ROBO2: variants seen among roughly 807,000 people sequenced by gnomAD.
ROBO2 encodes roundabout guidance receptor 2.
Under a neutral mutation model 160.8 loss-of-function variants are expected in ROBO2, and 53 were observed. The observed-to-expected ratio is 0.33, with a 90% CI of 0.26 to 0.41. The LOEUF (loss-of-function observed/expected upper bound fraction) is 0.41, where lower values mean the gene tolerates loss of function less well. Ranked by LOEUF, ROBO2 falls within the 10% of genes least tolerant of loss-of-function variation. ROBO2 has a pLI of 1.00. For synonymous variants in ROBO2, 664 were observed against 611.7 expected (o/e 1.09, Z -1.26); for missense variants, 1,577 against 1,722.4 (o/e 0.92, Z 1.49).
chr3:77,647,285 T>G (rs2095419064), exon 26 of ROBO2: 2 of 152,150 alleles, frequency 1.3e-5, no homozygotes, highest in Admixed American at 1.3e-4. Flanking sequence ...ACCCAATGTA[T>G]AGCCAAATTG....
At position 76,455,071 on chromosome 3, in the gene ROBO2, G is replaced by A. The variant is rs957287299; in HGVS notation, c.109+517469G>A. On this transcript the variant is annotated intron_variant, in intron 2 of 26. Coordinates refer to the ROBO2 transcript ENST00000487694. ...TTTCTTTACTAAATGACTTATTGCA[G>A]TGTTTAAGAAAAACATAAAGTATAC... is the stretch of plus-strand genomic sequence containing the variant. 2.6e-5 allele frequency among the ~76,000 whole-genome samples: 4 copies of A among 152,078 alleles called. No individual in the cohort carries two copies. The East Asian group carries it at 5.8e-4, about 22-fold the overall frequency.
chr3:76,891,514 C>T lies in ROBO2; in HGVS notation c.110-206500C>T, dbSNP rs140551024. 6.5e-3 allele frequency among the ~76,000 whole-genome samples: 981 copies of T among 152,082 alleles called. 10 individuals are homozygous for T. Among genetic ancestry groups the T allele is most frequent in the Non-Finnish European group, 1.0e-2 (678 of 68,014 alleles). On this transcript the variant is annotated intron_variant, in intron 2 of 26. Transcript: ENST00000487694. ...TTGAGTTGATGTGGACATTGAAATT[C>T]GAGTATAATGACAGGTGTGGTGTTG...
intron 2 of ROBO2, among the ~76,000 whole-genome samples, chr3:76,713,682 T>C (rs2093336027): frequency 6.6e-6 from 1 of 152,204 alleles, no homozygotes; most frequent in Non-Finnish European, 1.5e-5. Flanking sequence ...GAAAATTACC[T>C]CTTTGCTTTA....
intron 2 of ROBO2, among the ~76,000 whole-genome samples, chr3:77,332,617 A>G (rs541249688): frequency 1.3e-4 from 20 of 152,352 alleles, no homozygotes; most frequent in African/African-American, 4.6e-4. Flanking sequence ...ACTTGATATA[A>G]CATACATAAC....
At chr3:77,239,056 C>T (rs2088541262) in intron 2 of ROBO2, among the ~76,000 whole-genome samples, 2 of 152,200 alleles carry the variant, frequency 1.3e-5, no homozygotes. Context: ...GTCAGTCCCC[C>T]ATGTCCTTGG....
chr3:77,341,228 T>C (rs2067021325), intron 2 of ROBO2, among the ~76,000 whole-genome samples: 1 of 152,096 alleles, frequency 6.6e-6, no homozygotes, highest in Admixed American at 6.6e-5. Context: ...AGTACTAGCA[T>C]ATAAGAGGTT....
At chr3:75,955,896 A>G (rs558492565) in intron 2 of ROBO2, among the ~76,000 whole-genome samples, 3 of 151,884 alleles carry the variant, frequency 2.0e-5, no homozygotes, top group East Asian at 2.0e-4. Flanking sequence ...GCTTTTATTT[A>G]TATATAAAAT....
chr3:76,215,542 C>G (rs1279175107), intron 2 of ROBO2, among the ~76,000 whole-genome samples: 1 of 152,102 alleles, frequency 6.6e-6, no homozygotes, highest in East Asian at 1.9e-4. Context: ...ATGTGATCAA[C>G]TGGAAGACAG....
chr3:77,122,718 A>T (rs527950122), intron 2 of ROBO2, among the ~76,000 whole-genome samples: 1 of 152,296 alleles, frequency 6.6e-6, no homozygotes, highest in South Asian at 2.1e-4. Flanking sequence ...TCTGTTCCAC[A>T]TGTGGTGTTG....
intron 2 of ROBO2, among the ~76,000 whole-genome samples, chr3:76,997,607 A>G (rs1395507000): frequency 6.6e-6 from 1 of 152,194 alleles, no homozygotes; most frequent in Non-Finnish European, 1.5e-5. Context: ...AGTGAAAAGA[A>G]ATACCAATAG....
chr3:76,536,313 G>C (rs1456182553), intron 2 of ROBO2, among the ~76,000 whole-genome samples: 2 of 152,120 alleles, frequency 1.3e-5, no homozygotes, highest in Non-Finnish European at 2.9e-5. Flanking sequence ...TCCTGTTGTG[G>C]GGTTTGAGGG....
intron 2 of ROBO2, among the ~76,000 whole-genome samples, chr3:76,547,789 G>T (rs528709653): frequency 6.6e-6 from 1 of 151,992 alleles, no homozygotes; most frequent in Non-Finnish European, 1.5e-5. Context: ...AGAAAATCAC[G>T]TTACTCATCT....
chr3:77,509,146 G>T (rs1038310043), intron 5 of ROBO2, among the ~76,000 whole-genome samples: 3 of 152,114 alleles, frequency 2.0e-5, no homozygotes, highest in Admixed American at 2.0e-4. Context: ...TCAAAGACAG[G>T]AGAATAGGAA....
At chr3:77,621,232 C>T (rs773249471) in intron 22 of ROBO2, among the ~76,000 whole-genome samples, 6 of 152,218 alleles carry the variant, frequency 3.9e-5, no homozygotes, top group Admixed American at 1.3e-4. Flanking sequence ...TTCAGACCAA[C>T]CTAGACAACA....
chr3:76,141,159 C>CTCTCTATATATA (rs1364431015), intron 2 of ROBO2, among the ~76,000 whole-genome samples: 2 of 9,174 alleles, frequency 2.2e-4, no homozygotes, highest in African/African-American at 4.3e-4. Flanking sequence ...CTCTCTCTCT[C>CTCTCTATATATA]TATATATATA....
At chr3:76,996,558 AT>A (rs1343761946) in intron 2 of ROBO2, among the ~76,000 whole-genome samples, 1 of 152,112 alleles carries the variant, frequency 6.6e-6, no homozygotes, top group Non-Finnish European at 1.5e-5. Flanking sequence ...GGCTATTTTC[AT>A]GGTATTGATT....
At chr3:76,957,040 A>G (rs2079322521) in intron 2 of ROBO2, among the ~76,000 whole-genome samples, 1 of 152,116 alleles carries the variant, frequency 6.6e-6, no homozygotes, top group African/African-American at 2.4e-5. Flanking sequence ...GTTTAGGCAC[A>G]TCTTTGTTTA....
intron 2 of ROBO2, among the ~76,000 whole-genome samples, chr3:76,322,190 ATATATATATATAT>A (rs1559761437): frequency 5.1e-5 from 5 of 97,418 alleles, no homozygotes; most frequent in African/African-American, 1.5e-4. Flanking sequence ...ATATATATAT[ATATATATATATAT>A]AATATACACA....
intron 2 of ROBO2, among the ~76,000 whole-genome samples, chr3:77,219,337 C>A (rs1364366820): frequency 6.6e-6 from 1 of 150,656 alleles, no homozygotes; most frequent in Admixed American, 6.7e-5. Flanking sequence ...AGTTCTCCTT[C>A]TTTTGCAATT....
Sources: allele counts gnomAD v4.1 joint callset (sites outside exome capture counted in the v4.1 genomes callset), GRCh38; gene constraint gnomAD v4.1.1; transcripts MANE v1.5; gene names NCBI Gene and HGNC (gene_info 2026-07-23, HGNC 2026-07-21).